MYT1L: variants seen among roughly 807,000 people sequenced by gnomAD.
MYT1L encodes the protein myelin transcription factor 1-like protein.
In MYT1L, 12 loss-of-function variants were observed where a neutral mutation model predicts 126.7. The observed-to-expected ratio is 0.09, with a 90% CI of 0.06 to 0.15. The LOEUF is 0.15. Ranked by LOEUF, MYT1L falls within the 10% of genes least tolerant of loss-of-function variation. The pLI is 1.00. For missense variants in MYT1L, 979 were observed against 1,585.2 expected, an observed-to-expected ratio of 0.62 and a Z score of 6.49; for synonymous variants, 541 against 604.2, an observed-to-expected ratio of 0.90 and a Z score of 1.53.
At chr2:2,242,834 A>T (rs2094464278) in intron 2 of MYT1L, among the ~76,000 whole-genome samples, 1 of 152,258 alleles carries the variant, frequency 6.6e-6, no homozygotes, top group Non-Finnish European at 1.5e-5. Flanking sequence ...GAAATGAAGT[A>T]CATTCCTCTG....
intron 21 of MYT1L, among the ~76,000 whole-genome samples, chr2:1,821,506 G>A (rs1183485398): frequency 6.6e-6 from 1 of 152,164 alleles, no homozygotes; most frequent in Non-Finnish European, 1.5e-5. Flanking sequence ...TCTGTCTGAT[G>A]ACAAATTATA....
intron 1 of MYT1L, among the ~76,000 whole-genome samples, chr2:2,290,617 A>G (rs2095585088): frequency 6.6e-6 from 1 of 152,230 alleles, no homozygotes; most frequent in South Asian, 2.1e-4. Flanking sequence ...GTTAGCATCC[A>G]TGCCCCCAGT....
At chr2:2,237,326 T>C (rs189110925) in intron 2 of MYT1L, among the ~76,000 whole-genome samples, 30 of 152,194 alleles carry the variant, frequency 2.0e-4, no homozygotes, top group Admixed American at 1.8e-3. Flanking sequence ...GTGAGGAGCA[T>C]GAATGTGAAA....
At chr2:1,819,504 C>A (rs373744046) in intron 21 of MYT1L, among the ~76,000 whole-genome samples, 19 of 152,202 alleles carry the variant, frequency 1.2e-4, no homozygotes, top group African/African-American at 4.6e-4. Context: ...AAAGGCAGGG[C>A]TGAGTTTATA....
chr2:2,154,814 C>A (rs1462603338), intron 3 of MYT1L, among the ~76,000 whole-genome samples: 1 of 152,122 alleles, frequency 6.6e-6, no homozygotes, highest in Non-Finnish European at 1.5e-5. Flanking sequence ...GCACATGTAC[C>A]CCTGAAATTA....
At chr2:1,838,710 G>T (rs1195646126) in intron 21 of MYT1L, among the ~76,000 whole-genome samples, 4 of 152,180 alleles carry the variant, frequency 2.6e-5, no homozygotes, top group East Asian at 1.9e-4. Flanking sequence ...GGTTGATGGG[G>T]TTTTTTGGGA....
At position 2,089,606 on chromosome 2, in the gene MYT1L, C is replaced by T. The variant is rs2637550; in HGVS notation, c.-303-35483G>A. On this transcript the variant is annotated intron_variant, in intron 3 of 24. Transcript: ENST00000647738. ...CAGAGATTCAGAAATATAAGAGCTG[C>T]AAGGACTTTGTGCAACCATTTGGTC... 7.8e-3 allele frequency among the ~76,000 whole-genome samples: 1,194 copies of T among 152,268 alleles called. 10 individuals carry two copies. The highest frequency in any genetic ancestry group is 0.027 in the African/African-American group (1,130 of 41,560).
intron 18 of MYT1L, among the ~76,000 whole-genome samples, chr2:1,863,553 C>T (rs758446097): frequency 1.4e-4 from 19 of 137,762 alleles, no homozygotes; most frequent in African/African-American, 2.4e-4. Flanking sequence ...TACTGTCCCG[C>T]GCCAGCCCGA....
intron 21 of MYT1L, among the ~76,000 whole-genome samples, chr2:1,815,911 C>G (rs930166614): frequency 1.3e-5 from 2 of 152,258 alleles, no homozygotes; most frequent in Non-Finnish European, 2.9e-5. Context: ...CACGGCACCG[C>G]CCCGAGAAAC....
intron 21 of MYT1L, among the ~76,000 whole-genome samples, chr2:1,837,329 G>A (rs2041045325): frequency 6.6e-6 from 1 of 152,212 alleles, no homozygotes; most frequent in South Asian, 2.1e-4. Context: ...CACGTGAGAG[G>A]ACGAAATTGT....
At chr2:1,926,156 G>T (rs1210433395) in intron 9 of MYT1L, among the ~76,000 whole-genome samples, 2 of 152,132 alleles carry the variant, frequency 1.3e-5, no homozygotes, top group African/African-American at 4.8e-5. Flanking sequence ...AAGATGGCGT[G>T]GGTGGCCTCA....
intron 1 of MYT1L, among the ~76,000 whole-genome samples, chr2:2,292,491 C>G (rs1182245609): frequency 6.6e-6 from 1 of 152,174 alleles, no homozygotes; most frequent in African/African-American, 2.4e-5. Flanking sequence ...CTCCATATTG[C>G]CCTCAGCAGT....
intron 8 of MYT1L, among the ~76,000 whole-genome samples, chr2:1,949,575 A>T (rs1318281872): frequency 3.3e-5 from 5 of 152,238 alleles, no homozygotes; most frequent in African/African-American, 1.2e-4. Flanking sequence ...AACATTATGT[A>T]GTGCATTCTC....
intron 5 of MYT1L, among the ~76,000 whole-genome samples, chr2:1,988,827 C>G (rs1159988433): frequency 6.6e-6 from 1 of 152,218 alleles, no homozygotes; most frequent in Non-Finnish European, 1.5e-5. Context: ...CTGCGCCTGG[C>G]TGGGTACATA....
chr2:2,230,884 T>C (rs1206871954), intron 2 of MYT1L, among the ~76,000 whole-genome samples: 2 of 152,004 alleles, frequency 1.3e-5, no homozygotes, highest in Non-Finnish European at 2.9e-5. Context: ...ATTTCTATGG[T>C]GGAAAATGAG....
intron 5 of MYT1L, among the ~76,000 whole-genome samples, chr2:1,985,019 A>G (rs1216972966): frequency 2.0e-5 from 3 of 152,222 alleles, no homozygotes; most frequent in African/African-American, 7.2e-5. Flanking sequence ...CCTCCCCGAC[A>G]GAGTCCTCTT....
chr2:2,264,115 C>T (rs921016824), intron 2 of MYT1L, among the ~76,000 whole-genome samples: 1 of 152,192 alleles, frequency 6.6e-6, no homozygotes, highest in Non-Finnish European at 1.5e-5. Flanking sequence ...TGAACCTTGA[C>T]TGACCCTGAA....
chr2:1,832,908 A>G lies in MYT1L; in HGVS notation c.3080+6241T>C, dbSNP rs189056555. Among the ~76,000 whole-genome samples, 355 of 152,286 alleles carry G rather than the reference A, an allele frequency of 2.3e-3. 3 individuals are homozygous for G. The highest frequency in any genetic ancestry group is 8.0e-3 in the African/African-American group (334 of 41,564). ...CCCAGTCCACAGCATTCTCTAAAAG[A>G]TGGTCTCTTCTCTCCTCTAAAGAGC... On this transcript the variant is annotated intron_variant, in intron 21 of 24. Coordinates refer to ENST00000647738, the MANE Select transcript of MYT1L (RefSeq NM_001303052.2).
intron 8 of MYT1L, among the ~76,000 whole-genome samples, chr2:1,958,120 G>C (rs2058661768): frequency 7.4e-6 from 1 of 134,668 alleles, no homozygotes; most frequent in African/African-American, 3.2e-5. Flanking sequence ...CTGAGTTGCA[G>C]AACATTTTTT....
Sources: gnomAD v4.1 joint callset for allele counts (sites outside exome capture counted in the v4.1 genomes callset) on GRCh38, gnomAD v4.1.1 for gene constraint, MANE v1.5 for transcripts, NCBI Gene and HGNC (gene_info 2026-07-23, HGNC 2026-07-21) for gene names.